The following GBF1 variants were observed in gnomAD, a reference collection of about 807,000 sequenced individuals.
The protein encoded by GBF1 is Golgi-specific brefeldin A-resistance guanine nucleotide exchange factor 1.
GBF1 carries 114 observed loss-of-function variants against 210.5 expected under a neutral mutation model. The observed-to-expected ratio is 0.54, with a 90% CI of 0.47 to 0.63. The LOEUF (loss-of-function observed/expected upper bound fraction) is 0.63. Among genes scored for constraint, GBF1 ranks in the 30% least tolerant of loss-of-function variants. GBF1 has a pLI of 0.00. For synonymous variants in GBF1, 850 were observed against 889.2 expected (o/e 0.96, Z 0.78); for missense variants, 1,851 against 2,357.7 (o/e 0.79, Z 4.45).
chr10:102,330,777 T>C (rs2057280434), intron 3 of GBF1, among the ~76,000 whole-genome samples: 1 of 152,198 alleles, frequency 6.6e-6, no homozygotes, highest in Admixed American at 6.6e-5. Flanking sequence ...AATGGGATTC[T>C]TGTGAGGGTG....
At position 102,381,264 on chromosome 10, in the gene GBF1, C is replaced by G. The variant is rs1310920911; in HGVS notation, c.5302+9C>G. The G allele has an allele frequency of 6.2e-7, 1 of 1,613,448 alleles. No homozygotes were observed. Among genetic ancestry groups the G allele is most frequent in the South Asian group, 1.1e-5 (1 of 91,032 alleles). ...TGAGCTGGGGGCCTGTGGTGAGTCT[C>G]TCTAGCCTAGCCTGATAGGCACTGA... On this transcript the variant is annotated intron_variant, in intron 39 of 39. Coordinates refer to ENST00000369983, the MANE Select transcript of GBF1 (RefSeq NM_001377137.1).
At position 102,380,352 on chromosome 10, in the gene GBF1, G is replaced by A. The variant is rs2135379649; in HGVS notation, c.4982G>A (p.Ser1661Asn). The change falls in exon 37 of 40, where the codon AGC (serine) becomes AAC (asparagine). Residue 1661 changes from serine (S) to asparagine (N), a missense_variant. Around this residue, in one of 3 missense-constraint regions of GBF1, gnomAD observed 967 missense variants for 1,247.7 expected, o/e 0.78. Transcript: ENST00000369983. ...GACAAGTACATGCACGCAGGCTCCA[G>A]CGACTTACTGGTATGTTCTACCTCA... ...FMDKYMHAGS[S>N]DLLSEAIPES... The A allele has an allele frequency of 6.2e-7, 1 of 1,611,788 alleles. No individual in the cohort carries two copies. The highest frequency in any genetic ancestry group is 1.1e-5 in the South Asian group (1 of 91,038).
chr10:102,304,480 T>A (rs2077663432), intron 3 of GBF1, among the ~76,000 whole-genome samples: 2 of 152,002 alleles, frequency 1.3e-5, no homozygotes, highest in African/African-American at 4.8e-5. Flanking sequence ...CAAGGTGAAA[T>A]TAGGTAAAAG....
At chr10:102,249,487 T>A (rs1289061512) in intron 1 of GBF1, among the ~76,000 whole-genome samples, 11 of 152,178 alleles carry the variant, frequency 7.2e-5, no homozygotes. Context: ...CTGGGAGGAT[T>A]TTCCAGTGAT....
intron 3 of GBF1, among the ~76,000 whole-genome samples, chr10:102,321,627 T>C (rs1295723136): frequency 6.6e-6 from 1 of 152,218 alleles, no homozygotes; most frequent in Non-Finnish European, 1.5e-5. Context: ...TGGAGTATAA[T>C]GGCACGATCT....
At chr10:102,357,604 C>G (rs544617336) in intron 8 of GBF1, among the ~76,000 whole-genome samples, 3 of 152,130 alleles carry the variant, frequency 2.0e-5, no homozygotes, top group Non-Finnish European at 4.4e-5. Context: ...GGAGGCTGCT[C>G]TACAAGCTAG....
intron 13 of GBF1, among the ~76,000 whole-genome samples, chr10:102,361,445 C>T (rs2059595672): frequency 6.6e-6 from 1 of 152,182 alleles, no homozygotes. Context: ...CTAAAAGGAA[C>T]TCTAAATAGG....
chr10:102,258,859 G>T, intron 1 of GBF1, 70 bp from the exon 2 acceptor site: 1 of 773,418 alleles, frequency 1.3e-6, no homozygotes, highest in Non-Finnish European at 2.3e-6. Flanking sequence ...ATCAGGTACT[G>T]ATTTTTAAAC....
intron 3 of GBF1, among the ~76,000 whole-genome samples, chr10:102,316,842 G>A (rs1465396675): frequency 6.6e-6 from 1 of 152,206 alleles, no homozygotes; most frequent in African/African-American, 2.4e-5. Context: ...CAGGCCCACA[G>A]AAGGTACAAA....
At chr10:102,317,563 G>C (rs1171522635) in intron 3 of GBF1, among the ~76,000 whole-genome samples, 2 of 152,076 alleles carry the variant, frequency 1.3e-5, no homozygotes, top group Non-Finnish European at 2.9e-5. Flanking sequence ...AGGTTGCTGT[G>C]GCCAAAATCA....
chr10:102,264,971 T>TG (rs1193550084), intron 3 of GBF1, among the ~76,000 whole-genome samples: 1 of 152,240 alleles, frequency 6.6e-6, no homozygotes, highest in Non-Finnish European at 1.5e-5. Flanking sequence ...AAGAATCTTT[T>TG]GGGGCTCTTG....
intron 3 of GBF1, among the ~76,000 whole-genome samples, chr10:102,311,253 C>G (rs1209953426): frequency 3.9e-5 from 6 of 152,238 alleles, no homozygotes; most frequent in Non-Finnish European, 7.3e-5. Context: ...CATGATAACA[C>G]TTCTGTTTAA....
intron 4 of GBF1, 105 bp downstream of exon 4, chr10:102,344,287 CA>C (rs1404850795): frequency 1.1e-6 from 1 of 934,178 alleles, no homozygotes; most frequent in African/African-American, 1.7e-5. Flanking sequence ...AAATTTTTTC[CA>C]GTCACCTCTT....
At chr10:102,357,369 C>G (rs1190131539) in intron 8 of GBF1, among the ~76,000 whole-genome samples, 1 of 151,976 alleles carries the variant, frequency 6.6e-6, no homozygotes, top group East Asian at 1.9e-4. Context: ...CACCTGTAAT[C>G]CCATTTACTC....
Position 102,370,004 on chromosome 10 carries a change from T to C in GBF1, c.3339+20T>C, listed in dbSNP as rs200039446. 6.2e-7 allele frequency: 1 copy of C among 1,613,724 alleles called. No homozygotes were observed. The highest frequency in any genetic ancestry group is 1.3e-5 in the African/African-American group (1 of 74,908). ...ATAAAGGTAACTGCCCATCCACCCC[T>C]GGTGAGAAAGCCTAAACACCTTCCT... On this transcript the variant is annotated intron_variant, in intron 26 of 39. Transcript: ENST00000369983.
intron 26 of GBF1, 42 bp downstream of exon 26, chr10:102,370,026 T>C: frequency 6.2e-7 from 1 of 1,607,928 alleles, no homozygotes. Flanking sequence ...CTAAACACCT[T>C]CCTATTAGAT....
Position 102,344,116 on chromosome 10 carries a change from AC to A in GBF1, c.231del (p.Thr78LeufsTer21). The A allele has an allele frequency of 6.2e-7, 1 of 1,611,774 alleles. No individual in the cohort carries two copies. Among genetic ancestry groups the A allele is most frequent in the East Asian group, 2.2e-5 (1 of 44,862 alleles). On this transcript the variant is annotated frameshift_variant, in exon 4 of 40. Coordinates refer to ENST00000369983, the MANE Select transcript of GBF1 (RefSeq NM_001377137.1). LOFTEE classifies it high-confidence loss of function. The stretch of plus-strand genomic sequence containing the variant: ...TCTGGAAGTGATTCGCTCTGAAGAT[AC>A]CACTGGCCCTATCACTGGACTGGCA... ...PFLEVIRSEDTTGPITGLALT... is the reference protein window; with the variant it reads ...PFLEVIRSEDXTGPITGLALT...
intron 5 of GBF1, 28 bp downstream of exon 5, chr10:102,351,402 C>T (rs745545085): frequency 2.5e-6 from 3 of 1,186,796 alleles, no homozygotes; most frequent in Admixed American, 1.7e-5. Context: ...AGCAATTAGG[C>T]TAATGGCCAG....
chr10:102,382,367 T>C lies in GBF1; in HGVS notation c.*31T>C. The C allele has an allele frequency of 6.4e-7, 1 of 1,554,326 alleles. No individual in the cohort carries two copies. The highest frequency in any genetic ancestry group is 8.7e-7 in the Non-Finnish European group (1 of 1,145,884). ...GTCACTCAGAGATCAGGACCAGTGCTTCCCACCAGGCTTTCCTTGACCCCA... is the reference window on the plus strand; with the variant it reads ...GTCACTCAGAGATCAGGACCAGTGCCTCCCACCAGGCTTTCCTTGACCCCA... On this transcript the variant is annotated 3_prime_UTR_variant, in exon 40 of 40. Coordinates refer to ENST00000369983, the MANE Select transcript of GBF1 (RefSeq NM_001377137.1).
Sources: allele counts gnomAD v4.1 joint callset (sites outside exome capture counted in the v4.1 genomes callset), GRCh38; gene constraint gnomAD v4.1.1; regional missense constraint gnomAD v4.1.1; transcripts MANE v1.5; gene names NCBI Gene and HGNC (gene_info 2026-07-23, HGNC 2026-07-21).